Variants in SLC1A6 observed in about 807,000 individuals in gnomAD.
SLC1A6 encodes the protein excitatory amino acid transporter 4.
Under a neutral mutation model 42.1 loss-of-function variants are expected in SLC1A6, and 15 were observed. That is an observed-to-expected ratio of 0.36 (90% CI 0.24 to 0.55). SLC1A6 has a LOEUF of 0.55. Ranked by LOEUF, SLC1A6 falls within the 20% of genes least tolerant of loss-of-function variation. SLC1A6 has a pLI of 0.88. For synonymous variants in SLC1A6, 317 were observed against 319.7 expected (o/e 0.99, Z 0.09); for missense variants, 542 against 772.5 (o/e 0.70, Z 3.54).
At chr19:14,981,306 GA>G (rs1394941960), upstream of SLC1A6, among the ~76,000 whole-genome samples, 1 of 151,388 alleles carries the variant, frequency 6.6e-6, no homozygotes, top group South Asian at 2.1e-4. Flanking sequence ...AAAAAAAAAG[GA>G]AAGAAAAGAA....
chr19:15,005,524 AC>A (rs2045892249), intron 1 of SLC1A6, among the ~76,000 whole-genome samples: 1 of 152,150 alleles, frequency 6.6e-6, no homozygotes, highest in African/African-American at 2.4e-5. Flanking sequence ...AAACAAAAAA[AC>A]AAAAAAACCA....
chr19:14,962,042 G>A lies in SLC1A6; in HGVS notation c.895C>T (p.Leu299Phe). The A allele has an allele frequency of 1.9e-6, 3 of 1,614,116 alleles. No individual in the cohort carries two copies. The highest frequency in any genetic ancestry group is 2.5e-6 in the Non-Finnish European group (3 of 1,180,010). ...GRVLRDFFDS[L>F]NEAIMRLVGI... Reference sequence around the variant, plus strand: ...ACCAGCCTCATAATAGCCTCATTGAGGCTGTCGAAGAAGTCCCTGAGGACT... The same window carrying A: ...ACCAGCCTCATAATAGCCTCATTGAAGCTGTCGAAGAAGTCCCTGAGGACT... Residue 299 changes from leucine (L) to phenylalanine (F), a missense_variant, in exon 6 of 10, where the codon CTC (leucine) becomes TTC (phenylalanine). By Grantham distance (22) the Leu-to-Phe change is conservative. Coordinates refer to ENST00000594383, the MANE Select transcript of SLC1A6 (RefSeq NM_005071.3).
chr19:14,989,324 T>C (rs1392662476), intron 1 of SLC1A6, among the ~76,000 whole-genome samples: 2 of 152,108 alleles, frequency 1.3e-5, no homozygotes, highest in South Asian at 2.1e-4. Context: ...TGCAATGGCG[T>C]GATCTCGGCT....
intron 1 of SLC1A6, among the ~76,000 whole-genome samples, chr19:14,987,283 A>G (rs2045797289): frequency 6.6e-6 from 1 of 152,050 alleles, no homozygotes; most frequent in Non-Finnish European, 1.5e-5. Context: ...CCTGACCAAC[A>G]TGGCGAAATA....
chr19:14,988,256 C>T (rs2045802461), intron 1 of SLC1A6, among the ~76,000 whole-genome samples: 1 of 152,192 alleles, frequency 6.6e-6, no homozygotes, highest in Non-Finnish European at 1.5e-5. Context: ...AGACTTTCTC[C>T]CCACCTCCCT....
intron 1 of SLC1A6, among the ~76,000 whole-genome samples, chr19:14,999,859 T>C (rs1166007327): frequency 6.6e-6 from 1 of 151,082 alleles, no homozygotes; most frequent in African/African-American, 2.5e-5. Flanking sequence ...TTTTTTATTA[T>C]TATACTTTAA....
chr19:15,008,962 C>A (rs34370357), intron 1 of SLC1A6, among the ~76,000 whole-genome samples: 13,479 of 151,266 alleles, frequency 0.089, 786 homozygotes, highest in South Asian at 0.23. Flanking sequence ...TGCCACTGCA[C>A]TTCAGCCTGG....
chr19:14,985,095 TG>T (rs1568297999), intron 1 of SLC1A6, among the ~76,000 whole-genome samples: 1 of 152,264 alleles, frequency 6.6e-6, no homozygotes, highest in East Asian at 1.9e-4. Context: ...TTGGCCAGGC[TG>T]GTCTTGAACT....
intron 1 of SLC1A6, among the ~76,000 whole-genome samples, chr19:15,010,141 G>A (rs537578242): frequency 4.2e-5 from 6 of 144,164 alleles, no homozygotes; most frequent in African/African-American, 1.5e-4. Context: ...AGCCCAGCTC[G>A]CACCACTGCA....
intron 1 of SLC1A6, among the ~76,000 whole-genome samples, chr19:14,996,605 C>T (rs1163598751): frequency 1.1e-5 from 1 of 91,058 alleles, no homozygotes; most frequent in East Asian, 2.7e-4. Context: ...TACCTTAAGC[C>T]GTTACTTCTA....
At chr19:14,968,752 A>G (rs534894844) in intron 3 of SLC1A6, among the ~76,000 whole-genome samples, 22 of 151,930 alleles carry the variant, frequency 1.4e-4, no homozygotes, top group Non-Finnish European at 2.6e-4. Context: ...GCACTCCACT[A>G]TCCTACTGCC....
intron 2 of SLC1A6, 159 bp downstream of exon 2, chr19:14,972,547 G>A (rs2045653457): frequency 1.3e-5 from 8 of 630,352 alleles, no homozygotes; most frequent in South Asian, 1.2e-4. Context: ...CATCTGTGTG[G>A]TGTGTCTTTA....
At chr19:14,974,842 A>G (rs528660944) in intron 1 of SLC1A6, 1 of 151,152 alleles carries the variant, frequency 6.6e-6, no homozygotes, top group South Asian at 2.1e-4. Context: ...AGTGGGGAGG[A>G]TCACCTGAGC....
chr19:14,988,136 C>G (rs780778001), intron 1 of SLC1A6, among the ~76,000 whole-genome samples: 1 of 152,148 alleles, frequency 6.6e-6, no homozygotes, highest in Non-Finnish European at 1.5e-5. Flanking sequence ...CCCAAGTCTG[C>G]TGTTAGCTTC....
chr19:14,964,770 T>C (rs1038474171), intron 4 of SLC1A6, among the ~76,000 whole-genome samples: 3 of 152,196 alleles, frequency 2.0e-5, no homozygotes, highest in Non-Finnish European at 2.9e-5. Flanking sequence ...CCCTTTTAAC[T>C]TTAGGTTTCG....
At chr19:14,954,948 A>G (rs938246232) in intron 7 of SLC1A6, among the ~76,000 whole-genome samples, 52 of 152,100 alleles carry the variant, frequency 3.4e-4, no homozygotes, top group South Asian at 1.9e-3. Context: ...GAGGGCCCCT[A>G]CTCCAGACTC....
intron 4 of SLC1A6, among the ~76,000 whole-genome samples, chr19:14,966,467 G>A (rs1037738273): frequency 2.4e-4 from 37 of 151,910 alleles, no homozygotes; most frequent in African/African-American, 8.7e-4. Context: ...CCTGGGCAAT[G>A]GAGTGCAAAA....
chr19:14,991,845 T>C (rs956624761), intron 1 of SLC1A6, among the ~76,000 whole-genome samples: 2 of 109,622 alleles, frequency 1.8e-5, no homozygotes, highest in Non-Finnish European at 3.8e-5. Flanking sequence ...TTTTTCTTTT[T>C]TTTTTTTTTC....
chr19:15,006,760 CAA>C (rs58932066), intron 1 of SLC1A6, among the ~76,000 whole-genome samples: 3 of 133,140 alleles, frequency 2.3e-5, no homozygotes. Context: ...CCTGTCTCTA[CAA>C]AAAAAAAAAA....
Sources: gnomAD v4.1 joint callset for allele counts (sites outside exome capture counted in the v4.1 genomes callset) on GRCh38, gnomAD v4.1.1 for gene constraint, MANE v1.5 for transcripts, NCBI Gene and HGNC (gene_info 2026-07-23, HGNC 2026-07-21) for gene names.